BIVM: variants seen among roughly 807,000 people sequenced by gnomAD.
BIVM encodes the protein basic immunoglobulin-like variable motif-containing protein.
Under a neutral mutation model 61.4 loss-of-function variants are expected in BIVM, and 31 were observed. The observed-to-expected ratio is 0.51, with a 90% CI of 0.38 to 0.68. BIVM has a LOEUF of 0.68. Ranked by LOEUF, BIVM falls within the 30% of genes least tolerant of loss-of-function variation. The pLI is 0.00. For missense variants in BIVM, 526 were observed against 596.0 expected, an observed-to-expected ratio of 0.88 and a Z score of 1.22; for synonymous variants, 189 against 210.7, an observed-to-expected ratio of 0.90 and a Z score of 0.89.
At chr13:102,801,156 G>A (rs548369664) in intron 1 of BIVM, among the ~76,000 whole-genome samples, 8 of 152,190 alleles carry the variant, frequency 5.3e-5, no homozygotes, top group Admixed American at 5.2e-4. Flanking sequence ...CTTTGCATAC[G>A]AGCAAACCAT....
chr13:102,836,335 C>G (rs2140500999), intron 9 of BIVM, among the ~76,000 whole-genome samples: 1 of 152,234 alleles, frequency 6.6e-6, no homozygotes, highest in Middle Eastern at 3.4e-3. Flanking sequence ...TGTTTTGAGA[C>G]AGGGTCTCTC....
At chr13:102,820,415 AAT>A (rs922879708) in intron 4 of BIVM, 4 of 152,394 alleles carry the variant, frequency 2.6e-5, no homozygotes, top group Admixed American at 1.3e-4. Flanking sequence ...AGAATAAATA[AAT>A]AGTCTGTCTC....
At chr13:102,808,951 C>T (rs1194241172) in intron 3 of BIVM, among the ~76,000 whole-genome samples, 1 of 152,014 alleles carries the variant, frequency 6.6e-6, no homozygotes, top group Non-Finnish European at 1.5e-5. Flanking sequence ...ATCAATCTAG[C>T]TAGGAGTTTA....
Position 102,807,434 on chromosome 13 carries a change from G to A in BIVM, c.167G>A (p.Ser56Asn), listed in dbSNP as rs754537877. 3.7e-6 allele frequency: 6 copies of A among 1,614,190 alleles called. No individual in the cohort carries two copies. In the East Asian group the frequency reaches 1.1e-4, roughly 30 times the overall value. ...GPKGDGHYPW[S>N]CPVTHTREKI... is the part of the protein sequence containing the mutation. ...AAAGGAGATGGTCATTATCCATGGA[G>A]TTGTCCAGTGACTCATACACGGGAA... The change falls in exon 3 of 11, where the codon AGT (serine) becomes AAT (asparagine). Residue 56 changes from serine (S) to asparagine (N), a missense_variant. This residue lies in a region of BIVM where 312 missense variants were observed against 343.8 expected (regional missense o/e 0.91). Transcript: ENST00000257336. The surrounding 1 kb of genome is among the most constrained non-coding windows in gnomAD (Gnocchi z 4.0).
chr13:102,828,793 C>G (rs996418959), intron 7 of BIVM, among the ~76,000 whole-genome samples: 1 of 152,002 alleles, frequency 6.6e-6, no homozygotes, highest in African/African-American at 2.4e-5. Context: ...GGTTGGGAGG[C>G]CGAGGTGGGT....
In BIVM at chr13:102,834,473, CCT is replaced by C; in HGVS notation, c.1048_1049del (p.Ser350ThrfsTer5). The C allele has an allele frequency of 1.9e-6, 3 of 1,596,206 alleles. No individual in the cohort carries two copies. The highest frequency in any genetic ancestry group is 1.7e-6 in the Non-Finnish European group (2 of 1,174,150). ...AATGTATTTTATATTTAGCAGGGGA[CCT>C]CTCTCACCACAGGAAGTTGAATATT... Reference protein sequence around the residue: ...VKANKAFSRGPLSPQEVEYWI... With the variant: ...VKANKAFSRGXLSPQEVEYWI... On this transcript the variant is annotated frameshift_variant, in exon 9 of 11. Coordinates refer to ENST00000257336, the MANE Select transcript of BIVM (RefSeq NM_017693.4). LOFTEE classifies it high-confidence loss of function.
rs1879708012 is a variant in BIVM, at chr13:102,814,268, C to CG, written c.479-2158dup. Among the ~76,000 whole-genome samples the CG allele has an allele frequency of 3.3e-5, 5 of 152,172 alleles. No homozygotes were observed. In the South Asian group the frequency reaches 1.0e-3, roughly 32 times the overall value. On this transcript the variant is annotated intron_variant, in intron 3 of 10. Coordinates refer to ENST00000257336, the MANE Select transcript of BIVM (RefSeq NM_017693.4). Reference sequence around the variant, plus strand: ...TGCTCTTCTATGTTCCCATCTCAAACGGCGCTTTCACTTTGATGTGGCTTC... The same window carrying CG: ...TGCTCTTCTATGTTCCCATCTCAAACGGGCGCTTTCACTTTGATGTGGCTTC...
intron 1 of BIVM, among the ~76,000 whole-genome samples, chr13:102,801,980 GA>G (rs1442611478): frequency 6.6e-6 from 1 of 152,180 alleles, no homozygotes; most frequent in African/African-American, 2.4e-5. Flanking sequence ...TGGGGGAAAG[GA>G]ATGAGATGGA....
At chr13:102,804,123 T>G (rs562067741) in intron 1 of BIVM, among the ~76,000 whole-genome samples, 1 of 152,294 alleles carries the variant, frequency 6.6e-6, no homozygotes, top group African/African-American at 2.4e-5. Flanking sequence ...TCTGCACAAA[T>G]TATTTTAAAA....
At chr13:102,831,470 T>G in intron 7 of BIVM, 95 bp from the exon 8 acceptor site, 1 of 1,530,034 alleles carries the variant, frequency 6.5e-7, no homozygotes, top group Non-Finnish European at 8.8e-7. Flanking sequence ...CCAAGTAATG[T>G]CTTTTCTGTC....
At chr13:102,829,877 G>T (rs1358910970) in intron 7 of BIVM, among the ~76,000 whole-genome samples, 1 of 151,914 alleles carries the variant, frequency 6.6e-6, no homozygotes, top group African/African-American at 2.4e-5. Flanking sequence ...TTAAATAAAT[G>T]CTGTATTTAC....
intron 4 of BIVM, chr13:102,816,926 TA>T (rs76807116): frequency 0.034 from 5,162 of 152,904 alleles, 398 homozygotes; most frequent in East Asian, 0.28. Context: ...TATGCATCTC[TA>T]AAAAATGACT....
Position 102,840,299 on chromosome 13 carries a change from T to C in BIVM, c.*434T>C, listed in dbSNP as rs11398032. ...AAGTACCATCTGCCCTTAAAAAAAA[T>C]TGGGGCTGTCAATTTCTAGTTTTCA... On this transcript the variant is annotated 3_prime_UTR_variant, in exon 11 of 11. Coordinates refer to ENST00000257336, the MANE Select transcript of BIVM (RefSeq NM_017693.4). 1 of 144,498 alleles carries C rather than the reference T, an allele frequency of 6.9e-6. No homozygotes were observed. Among genetic ancestry groups the C allele is most frequent in the East Asian group, 2.1e-4 (1 of 4,874 alleles). The allele number at this position is 144,498 out of a possible 1,614,324, so 9.0% of individuals were successfully genotyped here.
intron 9 of BIVM, among the ~76,000 whole-genome samples, chr13:102,836,926 T>A (rs1287812617): frequency 1.3e-5 from 2 of 152,218 alleles, no homozygotes; most frequent in Non-Finnish European, 2.9e-5. Context: ...GGCTTTTCCA[T>A]AAAAATTTTA....
chr13:102,808,097 T>G lies in BIVM; in HGVS notation c.478+352T>G, dbSNP rs1291637345. 2.6e-5 allele frequency among the ~76,000 whole-genome samples: 4 copies of G among 152,366 alleles called. No homozygotes were observed. The East Asian group carries it at 5.8e-4, about 22-fold the overall frequency. ...TTCATAGTTTTATAGGCACATGAAG[T>G]TGTATTTCCTGACCAAACATCTTTT... On this transcript the variant is annotated intron_variant, in intron 3 of 10. Transcript: ENST00000257336.
intron 4 of BIVM, among the ~76,000 whole-genome samples, chr13:102,817,868 G>A (rs868465043): frequency 6.6e-6 from 1 of 152,056 alleles, no homozygotes; most frequent in African/African-American, 2.4e-5. Context: ...TGACATTTTA[G>A]AAATATATTT....
chr13:102,834,337 A>T (rs1167502679), intron 8 of BIVM, 129 bp from the exon 9 acceptor site: 2 of 882,774 alleles, frequency 2.3e-6, no homozygotes, highest in Non-Finnish European at 3.3e-6. Context: ...CCTAAGCTCT[A>T]ATGTCTGTTC....
At position 102,821,021 on chromosome 13, in the gene BIVM, T is replaced by A; in HGVS notation, c.606-16T>A. The A allele has an allele frequency of 6.2e-7, 1 of 1,603,066 alleles. No homozygotes were observed. Among genetic ancestry groups the A allele is most frequent in the Non-Finnish European group, 8.5e-7 (1 of 1,175,880 alleles). ...GTGTTCATTCAAGTGAAGAAAACAGTCTTTTGTGTTCTCAGGTACTGCATA... is the reference window on the plus strand; with the variant it reads ...GTGTTCATTCAAGTGAAGAAAACAGACTTTTGTGTTCTCAGGTACTGCATA... On this transcript the variant is annotated splice_polypyrimidine_tract_variant and intron_variant, in intron 4 of 10. Transcript: ENST00000257336.
intron 7 of BIVM, among the ~76,000 whole-genome samples, chr13:102,828,223 A>G (rs1880810415): frequency 6.6e-6 from 1 of 152,184 alleles, no homozygotes; most frequent in African/African-American, 2.4e-5. Flanking sequence ...CACTAGTCAC[A>G]ATGAAAATTT....
Sources: allele counts gnomAD v4.1 joint callset (sites outside exome capture counted in the v4.1 genomes callset), GRCh38; gene constraint gnomAD v4.1.1; regional missense constraint gnomAD v4.1.1; non-coding constraint Gnocchi (gnomAD v3.1); transcripts MANE v1.5; gene names NCBI Gene and HGNC (gene_info 2026-07-23, HGNC 2026-07-21).